Variants in MIER1 observed in about 807,000 individuals in gnomAD.
The protein encoded by MIER1 is mesoderm induction early response protein 1.
In MIER1, 40 loss-of-function variants were observed where a neutral mutation model predicts 75.7. That is an observed-to-expected ratio of 0.53 (90% confidence interval 0.41 to 0.69). The LOEUF (loss-of-function observed/expected upper bound fraction) is 0.69. Among genes scored for constraint, MIER1 ranks in the 30% least tolerant of loss-of-function variants. The pLI, the probability that MIER1 is intolerant of heterozygous loss-of-function variation, is 0.00. For synonymous variants in MIER1, 213 were observed against 223.4 expected (o/e 0.95, Z 0.42); for missense variants, 574 against 680.2 (o/e 0.84, Z 1.74).
Position 66,948,629 on chromosome 1 carries a change from A to G in MIER1, c.339+2334A>G, listed in dbSNP as rs1476893916. 2.6e-5 allele frequency among the ~76,000 whole-genome samples: 4 copies of G among 152,246 alleles called. No homozygotes were observed. The East Asian group carries it at 7.7e-4, about 29-fold the overall frequency. ...TATGAAGGGCTGGGCATAGTGGTTT[A>G]TACCTGTAATCTCAGTACTTCAGAA... On this transcript the variant is annotated intron_variant, in intron 4 of 13. Transcript: ENST00000401041.
intron 10 of MIER1, 78 bp downstream of exon 10, chr1:66,971,814 C>A: frequency 1.4e-6 from 1 of 692,542 alleles, no homozygotes; most frequent in Non-Finnish European, 2.4e-6. Context: ...TAGGTATAGC[C>A]TAAACTTAAT....
At chr1:66,937,237 C>T (rs924100110) in intron 2 of MIER1, among the ~76,000 whole-genome samples, 2 of 151,996 alleles carry the variant, frequency 1.3e-5, no homozygotes, top group South Asian at 4.2e-4. Flanking sequence ...GTGGGCAGGG[C>T]AGGTATTATT....
intron 11 of MIER1, among the ~76,000 whole-genome samples, chr1:66,974,686 A>G (rs1401931716): frequency 6.6e-6 from 1 of 152,120 alleles, no homozygotes; most frequent in Non-Finnish European, 1.5e-5. Context: ...AGTGGCATTT[A>G]AATGTTACAA....
chr1:66,958,901 C>T lies in MIER1; in HGVS notation c.552C>T (p.Ser184=). The T allele has an allele frequency of 6.2e-7, 1 of 1,610,386 alleles. No individual in the cohort carries two copies. Among genetic ancestry groups the T allele is most frequent in the Non-Finnish European group, 8.5e-7 (1 of 1,176,978 alleles). The change falls in exon 6 of 14, where the codon TCC becomes TCT. Residue 184 remains serine, a synonymous_variant. Coordinates refer to ENST00000401041, the MANE Select transcript of MIER1 (RefSeq NM_001077700.3). ...GTCAGGAGGATGAAACTCAGTCTTC[C>T]AATGATGATCCATCACAATCTGTTG... is the stretch of plus-strand genomic sequence containing the variant. The part of the protein sequence containing the change: ...SSGQEDETQS[S]NDDPSQSVAS...
chr1:66,959,584 C>A, intron 6 of MIER1, 95 bp from the exon 7 acceptor site: 1 of 619,652 alleles, frequency 1.6e-6, no homozygotes, highest in South Asian at 2.4e-5. Flanking sequence ...TATCTTTGAG[C>A]ATATCCAAAT....
intron 2 of MIER1, chr1:66,930,291 G>A: frequency 6.4e-7 from 1 of 1,554,992 alleles, no homozygotes; most frequent in Non-Finnish European, 8.7e-7. Flanking sequence ...GAGCGGCAGA[G>A]ACGGCAGCGG....
rs17497828 is a variant in MIER1, at chr1:66,986,639, G to A, written c.*1739G>A. On this transcript the variant is annotated 3_prime_UTR_variant, in exon 14 of 14. Transcript: ENST00000401041. ...TGAACAACTTTTTTTCCCAAACAGTGTTAAAAGCCACTTTGCAACACTTGA... is the reference window on the plus strand; with the variant it reads ...TGAACAACTTTTTTTCCCAAACAGTATTAAAAGCCACTTTGCAACACTTGA... The A allele has an allele frequency of 0.22, 126,515 of 568,426 alleles. 15,264 individuals are homozygous for A. The highest frequency in any genetic ancestry group is 0.25 in the Non-Finnish European group (80,624 of 320,286). The allele number at this position is 568,426 out of a possible 1,614,324, so 35.2% of individuals were successfully genotyped here.
intron 8 of MIER1, among the ~76,000 whole-genome samples, chr1:66,968,553 C>T (rs935069773): frequency 6.6e-6 from 1 of 152,058 alleles, no homozygotes; most frequent in Admixed American, 6.6e-5. Context: ...TACCTAGTAT[C>T]TTGGAGAGAC....
chr1:66,954,572 A>G (rs1227234462), intron 4 of MIER1, among the ~76,000 whole-genome samples: 11 of 152,280 alleles, frequency 7.2e-5, no homozygotes, highest in African/African-American at 2.4e-4. Context: ...TGCCAGTTCT[A>G]TTACGATTGT....
intron 4 of MIER1, among the ~76,000 whole-genome samples, chr1:66,948,805 G>T (rs752933962): frequency 3.9e-5 from 6 of 152,162 alleles, no homozygotes; most frequent in Non-Finnish European, 5.9e-5. Context: ...AGGCTCAGGT[G>T]GGAGGATTGC....
chr1:66,963,373 G>C (rs1222709226), intron 8 of MIER1, among the ~76,000 whole-genome samples: 1 of 152,024 alleles, frequency 6.6e-6, no homozygotes, highest in Non-Finnish European at 1.5e-5. Context: ...AGCCAAAAAA[G>C]GAAAAAGTGA....
chr1:66,962,968 G>A, intron 7 of MIER1, 120 bp from the exon 8 acceptor site: 1 of 617,156 alleles, frequency 1.6e-6, no homozygotes, highest in Non-Finnish European at 2.8e-6. Flanking sequence ...TAGTTAATTG[G>A]TTGTTTTTGT....
intron 8 of MIER1, among the ~76,000 whole-genome samples, chr1:66,967,768 T>C (rs1185873885): frequency 2.0e-5 from 3 of 152,120 alleles, no homozygotes; most frequent in Admixed American, 6.5e-5. Flanking sequence ...CTATCTTAAA[T>C]GGGATTAGTC....
intron 11 of MIER1, among the ~76,000 whole-genome samples, chr1:66,973,372 A>T (rs1046166935): frequency 5.3e-5 from 8 of 152,116 alleles, no homozygotes; most frequent in Non-Finnish European, 1.2e-4. Context: ...CATTATTTGC[A>T]GTTAAAATAT....
intron 2 of MIER1, among the ~76,000 whole-genome samples, chr1:66,937,131 G>A (rs778967668): frequency 6.6e-6 from 1 of 151,754 alleles, no homozygotes; most frequent in Non-Finnish European, 1.5e-5. Context: ...ATAGAAGGAA[G>A]AGTCAGGGTC....
chr1:66,972,332 T>G (rs891065619), intron 10 of MIER1, among the ~76,000 whole-genome samples: 2 of 150,618 alleles, frequency 1.3e-5, no homozygotes, highest in Non-Finnish European at 3.0e-5. Context: ...AGGATGTAAC[T>G]ATAAACAAAG....
chr1:66,981,818 T>C lies in MIER1; in HGVS notation c.1269T>C (p.Ala423=), dbSNP rs1284619009. The C allele has an allele frequency of 6.2e-7, 1 of 1,614,050 alleles. No homozygotes were observed. Among genetic ancestry groups the C allele is most frequent in the East Asian group, 2.2e-5 (1 of 44,878 alleles). ...MDRLLDESES[A]ASSRAPSPPP... is the part of the protein sequence containing the mutation. ...GTCTTCTAGACGAAAGTGAAAGTGC[T>C]GCATCTAGTCGAGCACCATCCCCTC... The change falls in exon 13 of 14, where the codon GCT becomes GCC. Residue 423 remains alanine, a synonymous_variant. Coordinates refer to ENST00000401041, the MANE Select transcript of MIER1 (RefSeq NM_001077700.3).
chr1:66,968,523 T>C (rs180916041), intron 8 of MIER1, among the ~76,000 whole-genome samples: 2 of 152,310 alleles, frequency 1.3e-5, no homozygotes, highest in Admixed American at 6.5e-5. Context: ...CTCCTTTTCA[T>C]TGATACGTGG....
At chr1:66,970,296 T>G (rs1458864251) in intron 8 of MIER1, among the ~76,000 whole-genome samples, 2 of 152,182 alleles carry the variant, frequency 1.3e-5, no homozygotes, top group Non-Finnish European at 2.9e-5. Flanking sequence ...AAAATTTACT[T>G]CAAATCCCAC....
Sources: gnomAD v4.1 joint callset for allele counts (sites outside exome capture counted in the v4.1 genomes callset) on GRCh38, gnomAD v4.1.1 for gene constraint, MANE v1.5 for transcripts, NCBI Gene and HGNC (gene_info 2026-07-23, HGNC 2026-07-21) for gene names.